Variants in ABHD12 observed in about 807,000 individuals in gnomAD.
ABHD12 encodes lysophosphatidylserine lipase ABHD12.
ABHD12 carries 43 observed loss-of-function variants against 58.3 expected under a neutral mutation model. The ratio of observed to expected loss-of-function variants is 0.74; its 90% CI spans 0.58 to 0.95. The LOEUF (loss-of-function observed/expected upper bound fraction) is 0.95, where lower values mean the gene tolerates loss of function less well. Ranked by LOEUF, ABHD12 falls within the 40% of genes least tolerant of loss-of-function variation. ABHD12 has a pLI of 0.00. For synonymous variants in ABHD12, 219 were observed against 211.2 expected, an observed-to-expected ratio of 1.04 and a Z score of -0.32; for missense variants, 539 against 537.2, an observed-to-expected ratio of 1.00 and a Z score of -0.03.
chr20:25,308,098 T>C, intron 8 of ABHD12, 53 bp from the exon 9 acceptor site: 1 of 1,251,190 alleles, frequency 8.0e-7, no homozygotes, highest in African/African-American at 1.5e-5. Flanking sequence ...GCGACATACA[T>C]GTGGCCTGTG....
intron 1 of ABHD12, among the ~76,000 whole-genome samples, chr20:25,359,180 G>A (rs2089707605): frequency 6.6e-6 from 1 of 151,506 alleles, no homozygotes; most frequent in East Asian, 1.9e-4. Context: ...CCAGCACTTT[G>A]GGAGGCCGAG....
At chr20:25,368,852 C>A (rs751028146) in intron 1 of ABHD12, 1 of 470,986 alleles carries the variant, frequency 2.1e-6, no homozygotes, top group Admixed American at 3.1e-5. Context: ...CTCAGACAGG[C>A]GCAGTGGCTC....
intron 1 of ABHD12, chr20:25,339,561 G>T: frequency 7.0e-7 from 1 of 1,430,244 alleles, no homozygotes; most frequent in Non-Finnish European, 9.6e-7. Flanking sequence ...ACTCTACTGG[G>T]GGTAAGAGGA....
Position 25,300,761 on chromosome 20 carries a change from C to T in ABHD12, c.*84G>A, listed in dbSNP as rs1248806656. 1.2e-5 allele frequency: 20 copies of T among 1,610,144 alleles called. No individual in the cohort carries two copies. The Admixed American group carries it at 2.8e-4, about 23-fold the overall frequency. On this transcript the variant is annotated 3_prime_UTR_variant, in exon 13 of 13. Transcript: ENST00000339157. ...CCTGAGCATTGCAGGTGCCGGCCCC[C>T]CGGGGCTTCAGGATACCGGGCTGCT...
rs760080886 is a variant in ABHD12, at chr20:25,308,438, G to A, written c.787+19C>T. ...CCTGAATGCTCACTGCCACGGCTGG[G>A]GCCCAACAAGGCACTCACCTCGCTC... On this transcript the variant is annotated intron_variant, in intron 8 of 12. Coordinates refer to ENST00000339157, the MANE Select transcript of ABHD12 (RefSeq NM_001042472.3). The A allele has an allele frequency of 4.0e-5, 65 of 1,609,936 alleles. 1 individual carries two copies. The highest frequency in any genetic ancestry group is 3.6e-5 in the Non-Finnish European group (43 of 1,178,516).
At chr20:25,328,267 A>C (rs1324191220) in intron 2 of ABHD12, among the ~76,000 whole-genome samples, 1 of 152,150 alleles carries the variant, frequency 6.6e-6, no homozygotes, top group Non-Finnish European at 1.5e-5. Flanking sequence ...CACTCCTGCC[A>C]CCTCATCCTG....
rs2090142813 is a variant in ABHD12 at position 25,389,678 on chromosome 20, C to T, written c.191+835G>A. 2.0e-5 allele frequency among the ~76,000 whole-genome samples: 3 copies of T among 151,838 alleles called. No individual in the cohort carries two copies. The South Asian group carries it at 6.3e-4, about 32-fold the overall frequency. On this transcript the variant is annotated intron_variant, in intron 1 of 12. Transcript: ENST00000339157. ...TATATAAACGCATTCATCTTCTACC[C>T]AATAACCCAAAGGTTATTGAACGCC...
chr20:25,363,464 G>A (rs924172992), intron 1 of ABHD12, among the ~76,000 whole-genome samples: 2 of 150,882 alleles, frequency 1.3e-5, no homozygotes, highest in South Asian at 2.1e-4. Context: ...TGATCCACTC[G>A]CCTCGGCCTC....
At chr20:25,307,036 AG>A (rs761332087) in intron 9 of ABHD12, 121 bp from the exon 10 acceptor site, 6 of 736,198 alleles carry the variant, frequency 8.1e-6, no homozygotes, top group East Asian at 5.6e-5. Flanking sequence ...ACCCTACCTA[AG>A]GGAGCAGGGG....
At chr20:25,304,392 C>T (rs1228111764) in intron 10 of ABHD12, among the ~76,000 whole-genome samples, 1 of 152,202 alleles carries the variant, frequency 6.6e-6, no homozygotes, top group African/African-American at 2.4e-5. Context: ...TTTCCCAGAC[C>T]ACGGCCCACC....
At chr20:25,295,467 G>A, downstream of ABHD12, 2 of 947,384 alleles carry the variant, frequency 2.1e-6, no homozygotes, top group Admixed American at 2.0e-5. Flanking sequence ...GCTCTGACCA[G>A]CTGCGTGGGT....
chr20:25,322,554 A>AT (rs1164788903), intron 3 of ABHD12, among the ~76,000 whole-genome samples: 9 of 145,488 alleles, frequency 6.2e-5, no homozygotes, highest in South Asian at 2.2e-4. Context: ...TAATTTTTGT[A>AT]TTTTTTTTTC....
chr20:25,312,836 G>A (rs1321014657), intron 6 of ABHD12, among the ~76,000 whole-genome samples: 4 of 151,200 alleles, frequency 2.6e-5, no homozygotes, highest in Admixed American at 6.6e-5. Context: ...CCGCGACCCC[G>A]TCTGGGAGGT....
chr20:25,323,895 C>T (rs1024727274), intron 2 of ABHD12, among the ~76,000 whole-genome samples: 4 of 152,288 alleles, frequency 2.6e-5, no homozygotes, highest in Admixed American at 2.0e-4. Context: ...AAGGGGATGG[C>T]GCTGCAGGAC....
intron 10 of ABHD12, among the ~76,000 whole-genome samples, chr20:25,304,509 G>C (rs1181031326): frequency 6.6e-6 from 1 of 152,228 alleles, no homozygotes; most frequent in Non-Finnish European, 1.5e-5. Flanking sequence ...TGGCTCAGCT[G>C]GGAGGGTCAA....
At chr20:25,387,211 G>C (rs2090102606) in intron 1 of ABHD12, among the ~76,000 whole-genome samples, 1 of 152,156 alleles carries the variant, frequency 6.6e-6, no homozygotes, top group African/African-American at 2.4e-5. Flanking sequence ...AATGAAACAA[G>C]TTACTCAGTG....
intron 1 of ABHD12, among the ~76,000 whole-genome samples, chr20:25,380,732 A>G (rs1395114480): frequency 6.6e-6 from 1 of 151,132 alleles, no homozygotes; most frequent in African/African-American, 2.4e-5. Flanking sequence ...CCAGGTCCTG[A>G]CTCCTCTGTC....
chr20:25,368,547 C>T, intron 1 of ABHD12: 1 of 1,420,020 alleles, frequency 7.0e-7, no homozygotes, highest in Non-Finnish European at 1.0e-6. Context: ...ATGGACTTGC[C>T]ACCAGTGCCA....
chr20:25,359,961 A>G (rs1258696659), intron 1 of ABHD12, among the ~76,000 whole-genome samples: 1 of 152,040 alleles, frequency 6.6e-6, no homozygotes, highest in East Asian at 1.9e-4. Flanking sequence ...TGTCTCTTTT[A>G]TTTAGGATTT....
Sources: gnomAD v4.1 joint callset for allele counts (sites outside exome capture counted in the v4.1 genomes callset) on GRCh38, gnomAD v4.1.1 for gene constraint, MANE v1.5 for transcripts, NCBI Gene and HGNC (gene_info 2026-07-23, HGNC 2026-07-21) for gene names.